The following ACSL1 variants were observed in gnomAD, a reference collection of about 807,000 sequenced individuals.
ACSL1 encodes acyl-CoA synthetase long chain family member 1, also known as long-chain-fatty-acid--CoA ligase 1.
Under a neutral mutation model 98.4 loss-of-function variants are expected in ACSL1, and 41 were observed. That is an observed-to-expected ratio of 0.42 (90% CI 0.32 to 0.54). The LOEUF (loss-of-function observed/expected upper bound fraction) is 0.54. ACSL1 is among the 20% of genes least tolerant of loss of function. The pLI, the probability that ACSL1 is intolerant of heterozygous loss-of-function variation, is 0.13. For missense variants in ACSL1, 734 were observed against 883.1 expected (o/e 0.83, Z 2.14); for synonymous variants, 316 against 322.7 (o/e 0.98, Z 0.22).
intron 17 of ACSL1, among the ~76,000 whole-genome samples, chr4:184,761,077 C>T (rs1240123572): frequency 1.3e-5 from 2 of 152,196 alleles, no homozygotes; most frequent in Non-Finnish European, 2.9e-5. Context: ...AAGCAAAACC[C>T]TAGTCCCACT....
rs1302755739 is a variant in ACSL1, at chr4:184,803,291, G to T, written c.195+29C>A. 2 of 1,496,196 alleles carry T rather than the reference G, an allele frequency of 1.3e-6. No individual in the cohort carries two copies. Among genetic ancestry groups the T allele is most frequent in the East Asian group, 2.4e-5 (1 of 42,048 alleles). The allele number at this position is 1,496,196 out of a possible 1,614,324, so 92.7% of individuals were successfully genotyped here. ...TCATCTGGGGAAATGCGGAGAAAAC[G>T]CACGAGGCAGGCTGGGCCCTCCACT... On this transcript the variant is annotated intron_variant, in intron 2 of 20. Coordinates refer to ENST00000281455, the MANE Select transcript of ACSL1 (RefSeq NM_001995.5). This position sits in a 1 kb window ranked among gnomAD's most constrained non-coding sequence, Gnocchi z 4.8.
intron 4 of ACSL1, among the ~76,000 whole-genome samples, chr4:184,782,415 T>A (rs762678919): frequency 6.6e-6 from 1 of 152,006 alleles, no homozygotes; most frequent in Non-Finnish European, 1.5e-5. Flanking sequence ...AGTGTGCAAG[T>A]CATAGATTCA....
chr4:184,760,828 C>T (rs992248945), intron 17 of ACSL1, among the ~76,000 whole-genome samples: 29 of 152,160 alleles, frequency 1.9e-4, no homozygotes, highest in African/African-American at 6.3e-4. Flanking sequence ...CTGAATTAGG[C>T]GCATACACAT....
Position 184,776,949 on chromosome 4 carries a change from G to C in ACSL1, c.512C>G (p.Ser171Trp). ...ATCATAAAGTGGAACGATCACCATC[G>C]AATAAGCAAAGCATCCTTGTTCAAT... ...VIIEQGCFAY[S>W]MVIVPLYDTL... is the part of the protein sequence containing the mutation. Residue 171 changes from serine (S) to tryptophan (W), a missense_variant, in exon 6 of 21, where the codon TCG becomes TGG. Coordinates refer to ENST00000281455, the MANE Select transcript of ACSL1 (RefSeq NM_001995.5). 1 of 1,614,076 alleles carries C rather than the reference G, an allele frequency of 6.2e-7. No homozygotes were observed. The highest frequency in any genetic ancestry group is 8.5e-7 in the Non-Finnish European group (1 of 1,180,006).
chr4:184,785,738 G>C (rs147595178), intron 3 of ACSL1, among the ~76,000 whole-genome samples: 6 of 151,894 alleles, frequency 4.0e-5, no homozygotes, highest in Non-Finnish European at 8.8e-5. Context: ...TCATTTTCCA[G>C]GGGGAGCAAG....
upstream of ACSL1, chr4:184,826,446 G>A (rs1156612786): frequency 3.3e-5 from 5 of 152,422 alleles, no homozygotes; most frequent in African/African-American, 9.6e-5. Context: ...CTGGAGGCAA[G>A]GGCCTTCCTC....
At chr4:184,775,949 C>T (rs1765219266) in intron 7 of ACSL1, among the ~76,000 whole-genome samples, 1 of 152,164 alleles carries the variant, frequency 6.6e-6, no homozygotes, top group South Asian at 2.1e-4. Flanking sequence ...GCATGGACCA[C>T]CACGCTCATT....
chr4:184,775,477 A>T (rs1414551000), intron 7 of ACSL1, among the ~76,000 whole-genome samples: 2 of 152,196 alleles, frequency 1.3e-5, no homozygotes, highest in Non-Finnish European at 2.9e-5. Flanking sequence ...AAGTAAAAAA[A>T]CAGAAGTGGG....
chr4:184,760,065 T>C (rs1011505193), intron 18 of ACSL1, among the ~76,000 whole-genome samples: 1 of 152,202 alleles, frequency 6.6e-6, no homozygotes, highest in Non-Finnish European at 1.5e-5. Context: ...TCTTTCATAA[T>C]TGGAAACATA....
Position 184,803,499 on chromosome 4 carries a change from G to C in ACSL1, c.16C>G (p.Leu6Val). The C allele has an allele frequency of 6.3e-7, 1 of 1,593,898 alleles. No individual in the cohort carries two copies. Among genetic ancestry groups the C allele is most frequent in the Non-Finnish European group, 8.6e-7 (1 of 1,168,788 alleles). MQAHE[L>V]FRYFRMPELV... ...TCTGGCATTCGAAAATACCGGAACAGCTCATGGGCTTGCATTGTCCTGTGT... is the reference window on the plus strand; with the variant it reads ...TCTGGCATTCGAAAATACCGGAACACCTCATGGGCTTGCATTGTCCTGTGT... The change falls in exon 2 of 21, where the codon CTG (leucine) becomes GTG (valine). Residue 6 changes from leucine to valine, a missense_variant. By Grantham distance (32) the Leu-to-Val change is conservative. Transcript: ENST00000281455. The surrounding 1 kb of genome is among the most constrained non-coding windows in gnomAD (Gnocchi z 4.8).
At position 184,756,313 on chromosome 4, in the gene ACSL1, C is replaced by G. The variant is rs969122959; in HGVS notation, c.*812G>C. On this transcript the variant is annotated 3_prime_UTR_variant, in exon 21 of 21. Transcript: ENST00000281455. ...ATCCAGGTAACTCTTTCTTGAAATGCTTGTCTTCACTATAGAATCTAAGGC... is the reference window on the plus strand; with the variant it reads ...ATCCAGGTAACTCTTTCTTGAAATGGTTGTCTTCACTATAGAATCTAAGGC... The G allele has an allele frequency of 6.6e-6, 1 of 152,616 alleles. No homozygotes were observed. Among genetic ancestry groups the G allele is most frequent in the African/African-American group, 2.4e-5 (1 of 41,448 alleles). 9.5% of individuals were successfully genotyped at this position (152,616 alleles called of 1,614,324 possible). A position where few individuals can be genotyped will look rare whatever the true frequency, so the allele number is the denominator to read the frequency against.
chr4:184,805,849 T>A (rs1771347246), intron 1 of ACSL1: 3 of 152,218 alleles, frequency 2.0e-5, no homozygotes, highest in Non-Finnish European at 4.4e-5. Context: ...CCAGGACCGG[T>A]TCTGAAAACA....
intron 1 of ACSL1, chr4:184,805,556 G>A (rs564603283): frequency 1.0e-6 from 1 of 982,788 alleles, no homozygotes; most frequent in Non-Finnish European, 1.2e-6. Flanking sequence ...TGACTACTAG[G>A]TGACACCCCA....
intron 1 of ACSL1, chr4:184,805,399 A>T (rs556076792): frequency 2.4e-6 from 2 of 833,432 alleles, no homozygotes; most frequent in Non-Finnish European, 2.9e-6. Context: ...ACTCACTCAC[A>T]CACACACACA....
intron 2 of ACSL1, among the ~76,000 whole-genome samples, chr4:184,792,462 G>A (rs781620982): frequency 6.9e-4 from 105 of 152,160 alleles, no homozygotes; most frequent in African/African-American, 2.3e-3. Context: ...CCGAAACAGG[G>A]GCAGGCTCTG....
intron 7 of ACSL1, among the ~76,000 whole-genome samples, chr4:184,776,241 T>G (rs750574658): frequency 6.6e-6 from 1 of 152,232 alleles, no homozygotes; most frequent in Non-Finnish European, 1.5e-5. Context: ...TTGTCAGTGC[T>G]CTGGAATAAA....
At chr4:184,801,134 C>T (rs1770440089) in intron 2 of ACSL1, among the ~76,000 whole-genome samples, 1 of 120,316 alleles carries the variant, frequency 8.3e-6, no homozygotes, top group Non-Finnish European at 1.5e-5. Flanking sequence ...GGGATTACAG[C>T]ATGTGCCACT....
At chr4:184,763,319 T>C in intron 15 of ACSL1, 64 bp from the exon 16 acceptor site, 1 of 1,459,460 alleles carries the variant, frequency 6.9e-7, no homozygotes, top group East Asian at 2.3e-5. Context: ...GGTCAAATTA[T>C]TTTGATAGCA....
At chr4:184,776,107 A>G (rs553799521) in intron 7 of ACSL1, among the ~76,000 whole-genome samples, 1 of 152,370 alleles carries the variant, frequency 6.6e-6, no homozygotes, top group South Asian at 2.1e-4. Context: ...TGATTTCTAT[A>G]CTTGGCTTGG....
Sources: allele counts gnomAD v4.1 joint callset (sites outside exome capture counted in the v4.1 genomes callset), GRCh38; gene constraint gnomAD v4.1.1; non-coding constraint Gnocchi (gnomAD v3.1); transcripts MANE v1.5; gene names NCBI Gene and HGNC (gene_info 2026-07-23, HGNC 2026-07-21).